Variants in SLC9C1 observed in about 807,000 individuals in gnomAD.
SLC9C1 encodes solute carrier family 9 member C1.
SLC9C1 carries 97 observed loss-of-function variants against 140.9 expected under a neutral mutation model. The observed-to-expected ratio is 0.69, with a 90% CI of 0.58 to 0.82. SLC9C1 has a LOEUF of 0.82. Ranked by LOEUF, SLC9C1 falls within the 40% of genes least tolerant of loss-of-function variation. The pLI, the probability that SLC9C1 is intolerant of heterozygous loss-of-function variation, is 0.00. For missense variants in SLC9C1, 1,340 were observed against 1,389.3 expected, an observed-to-expected ratio of 0.96 and a Z score of 0.56; for synonymous variants, 440 against 442.6, an observed-to-expected ratio of 0.99 and a Z score of 0.07.
chr3:112,233,050 C>CACACACACATATAT (rs1326383624), intron 12 of SLC9C1, among the ~76,000 whole-genome samples: 3 of 86,628 alleles, frequency 3.5e-5, no homozygotes, highest in African/African-American at 1.2e-4. Context: ...CACACACACA[C>CACACACACATATAT]ATATATATAT....
intron 26 of SLC9C1, among the ~76,000 whole-genome samples, chr3:112,157,754 T>G (rs2075168456): frequency 1.3e-5 from 1 of 77,026 alleles, no homozygotes. Context: ...GTTAAATTTA[T>G]TCCTAGGTAT....
At chr3:112,209,571 G>T (rs2078146256) in intron 15 of SLC9C1, among the ~76,000 whole-genome samples, 1 of 152,082 alleles carries the variant, frequency 6.6e-6, no homozygotes, top group Non-Finnish European at 1.5e-5. Flanking sequence ...ATTTGTGGAT[G>T]ACATAATCCT....
intron 1 of SLC9C1, among the ~76,000 whole-genome samples, chr3:112,291,780 G>T (rs935683271): frequency 6.6e-6 from 1 of 152,164 alleles, no homozygotes; most frequent in African/African-American, 2.4e-5. Flanking sequence ...TAAACACAAA[G>T]AAATGTAAAC....
intron 27 of SLC9C1, 117 bp downstream of exon 27, chr3:112,154,880 C>A: frequency 1.1e-6 from 1 of 938,750 alleles, no homozygotes; most frequent in South Asian, 1.7e-5. Flanking sequence ...CCAAAATCTA[C>A]AAAATGACTA....
chr3:112,143,671 C>T (rs1298044264), intron 28 of SLC9C1, among the ~76,000 whole-genome samples: 1 of 152,148 alleles, frequency 6.6e-6, no homozygotes, highest in Admixed American at 6.5e-5. Flanking sequence ...TATTTTCTCC[C>T]ATACTGTAGG....
At chr3:112,278,037 G>A (rs1017362271) in intron 4 of SLC9C1, among the ~76,000 whole-genome samples, 177 bp from the exon 5 acceptor site, 5 of 152,164 alleles carry the variant, frequency 3.3e-5, no homozygotes, top group Non-Finnish European at 7.3e-5. Flanking sequence ...CTTGACCAAA[G>A]ATGCAGGACC....
At chr3:112,162,332 C>T (rs1270254088) in intron 26 of SLC9C1, among the ~76,000 whole-genome samples, 1 of 152,134 alleles carries the variant, frequency 6.6e-6, no homozygotes, top group African/African-American at 2.4e-5. Context: ...TGAGAGAGGG[C>T]ATCCCTGTCT....
chr3:112,210,266 G>A (rs2078165459), intron 15 of SLC9C1, among the ~76,000 whole-genome samples: 1 of 152,126 alleles, frequency 6.6e-6, no homozygotes, highest in Non-Finnish European at 1.5e-5. Flanking sequence ...CAACTCAAAT[G>A]TCCATAAACT....
Position 112,170,268 on chromosome 3 carries a change from G to A in SLC9C1, c.2920-940C>T, listed in dbSNP as rs577480728. Among the ~76,000 whole-genome samples the A allele has an allele frequency of 1.2e-4, 18 of 152,264 alleles. No homozygotes were observed. In the East Asian group the frequency reaches 1.7e-3, roughly 15 times the overall value. On this transcript the variant is annotated intron_variant, in intron 23 of 28. Transcript: ENST00000305815. ...GGGAGAATATATTTGCAAACTATGC[G>A]TCTGACAATGGACCAATGTCCAGAA...
At chr3:112,198,317 C>T (rs2077817935) in intron 20 of SLC9C1, among the ~76,000 whole-genome samples, 1 of 151,870 alleles carries the variant, frequency 6.6e-6, no homozygotes, top group East Asian at 1.9e-4. Context: ...TTTTATTAAT[C>T]CTACTGCTTT....
At chr3:112,238,573 C>T (rs1424683619) in intron 12 of SLC9C1, among the ~76,000 whole-genome samples, 1 of 152,004 alleles carries the variant, frequency 6.6e-6, no homozygotes, top group East Asian at 1.9e-4. Flanking sequence ...CTGTTTTTTC[C>T]CCATCTTTGT....
intron 25 of SLC9C1, 108 bp downstream of exon 25, chr3:112,168,769 A>C (rs1424866550): frequency 1.9e-6 from 2 of 1,057,222 alleles, no homozygotes; most frequent in Non-Finnish European, 2.7e-6. Context: ...AAAAGGGAGA[A>C]GATTGGAAGA....
chr3:112,239,798 C>T (rs2079091691), intron 12 of SLC9C1, 42 bp downstream of exon 12: 8 of 1,520,484 alleles, frequency 5.3e-6, no homozygotes, highest in Non-Finnish European at 7.1e-6. Flanking sequence ...TCAGTATAAT[C>T]AAATCTGCAT....
intron 6 of SLC9C1, among the ~76,000 whole-genome samples, chr3:112,271,085 C>T (rs962468834): frequency 6.6e-6 from 1 of 151,806 alleles, no homozygotes; most frequent in Admixed American, 6.6e-5. Context: ...AGGAAAATAC[C>T]GCATGATCTT....
intron 20 of SLC9C1, chr3:112,185,817 G>A: frequency 3.8e-6 from 6 of 1,576,694 alleles, no homozygotes; most frequent in Non-Finnish European, 5.1e-6. Flanking sequence ...GTAGCGCAGG[G>A]GAGTGCCCTC....
intron 26 of SLC9C1, among the ~76,000 whole-genome samples, chr3:112,160,018 G>A (rs2107881143): frequency 6.6e-6 from 1 of 151,472 alleles, no homozygotes; most frequent in Non-Finnish European, 1.5e-5. Flanking sequence ...AATTTATTAA[G>A]CCATGCTTTA....
chr3:112,166,989 A>G (rs565719937), intron 26 of SLC9C1, among the ~76,000 whole-genome samples: 2 of 152,092 alleles, frequency 1.3e-5, no homozygotes, highest in African/African-American at 4.8e-5. Flanking sequence ...ACCTTTTTTC[A>G]TATCATTTTG....
intron 10 of SLC9C1, among the ~76,000 whole-genome samples, chr3:112,245,504 G>A (rs1463980713): frequency 1.3e-5 from 2 of 151,132 alleles, no homozygotes; most frequent in African/African-American, 4.9e-5. Context: ...TCATTGAACT[G>A]TTTCAGAATC....
At chr3:112,177,005 CTT>C (rs57879370) in intron 23 of SLC9C1, among the ~76,000 whole-genome samples, 16 of 104,694 alleles carry the variant, frequency 1.5e-4, no homozygotes, top group Non-Finnish European at 1.7e-4. Flanking sequence ...CTCTCTCTCT[CTT>C]TTTTTTTTTT....
Sources: gnomAD v4.1 joint callset for allele counts (sites outside exome capture counted in the v4.1 genomes callset) on GRCh38, gnomAD v4.1.1 for gene constraint, MANE v1.5 for transcripts, NCBI Gene and HGNC (gene_info 2026-07-23, HGNC 2026-07-21) for gene names.